NELL1: variants seen among roughly 807,000 people sequenced by gnomAD.
NELL1 encodes the protein protein kinase C-binding protein NELL1.
A neutral mutation model predicts 107.4 loss-of-function variants in NELL1; 76 were observed. That is an observed-to-expected ratio of 0.71 (90% CI 0.59 to 0.86). NELL1 has a LOEUF of 0.86. NELL1 is among the 40% of genes least tolerant of loss of function. NELL1 has a pLI of 0.00. For synonymous variants in NELL1, 353 were observed against 341.2 expected (o/e 1.03, Z -0.38); for missense variants, 1,024 against 1,005.5 (o/e 1.02, Z -0.25).
chr11:20,905,711 A>C (rs986501946), intron 5 of NELL1, among the ~76,000 whole-genome samples: 2 of 152,278 alleles, frequency 1.3e-5, no homozygotes, highest in African/African-American at 4.8e-5. Flanking sequence ...CTTAAAGATA[A>C]GATCATTGAA....
chr11:21,506,578 G>A (rs1039141710), intron 15 of NELL1, among the ~76,000 whole-genome samples: 1 of 152,158 alleles, frequency 6.6e-6, no homozygotes, highest in Non-Finnish European at 1.5e-5. Context: ...CTGAAAATGG[G>A]ACATGGGGCC....
chr11:21,147,569 C>A (rs1039494524), intron 13 of NELL1, among the ~76,000 whole-genome samples: 1 of 151,798 alleles, frequency 6.6e-6, no homozygotes, highest in African/African-American at 2.4e-5. Flanking sequence ...ATGGTGGCTC[C>A]CGCCTGTAAT....
At chr11:21,184,692 T>C (rs1856896047) in intron 13 of NELL1, among the ~76,000 whole-genome samples, 1 of 151,296 alleles carries the variant, frequency 6.6e-6, no homozygotes, top group African/African-American at 2.4e-5. Flanking sequence ...TACAAAAGCA[T>C]TTAATTTATG....
At chr11:21,403,329 G>T (rs1852143932) in intron 15 of NELL1, among the ~76,000 whole-genome samples, 1 of 151,330 alleles carries the variant, frequency 6.6e-6, no homozygotes, top group African/African-American at 2.4e-5. Context: ...AAACCTTCAG[G>T]GACTCTTAAA....
At chr11:21,300,043 A>G (rs1049141105) in intron 14 of NELL1, among the ~76,000 whole-genome samples, 5 of 151,958 alleles carry the variant, frequency 3.3e-5, no homozygotes, top group Admixed American at 6.6e-5. Flanking sequence ...ACACACAAAT[A>G]ATGAATATTA....
chr11:21,549,626 G>A (rs1856528258), intron 16 of NELL1, among the ~76,000 whole-genome samples: 1 of 151,742 alleles, frequency 6.6e-6, no homozygotes, highest in African/African-American at 2.4e-5. Context: ...TCTTATTAAT[G>A]AGTACATTGG....
intron 2 of NELL1, among the ~76,000 whole-genome samples, chr11:20,752,614 A>G (rs144233855): frequency 1.3e-5 from 2 of 152,310 alleles, no homozygotes; most frequent in East Asian, 1.9e-4. Context: ...TCTTTTTTGC[A>G]TCTGTTGAGA....
At chr11:21,043,754 T>C (rs72941930) in intron 12 of NELL1, among the ~76,000 whole-genome samples, 1 of 152,018 alleles carries the variant, frequency 6.6e-6, no homozygotes, top group Non-Finnish European at 1.5e-5. Flanking sequence ...TTGAGATATA[T>C]TTATTGAAGT....
chr11:21,278,353 T>A (rs1848917611), intron 14 of NELL1, among the ~76,000 whole-genome samples: 1 of 152,176 alleles, frequency 6.6e-6, no homozygotes, highest in Non-Finnish European at 1.5e-5. Flanking sequence ...AAACTGCATT[T>A]GCTTTTACAT....
At chr11:20,899,015 T>G (rs1226626029) in intron 5 of NELL1, among the ~76,000 whole-genome samples, 1 of 152,118 alleles carries the variant, frequency 6.6e-6, no homozygotes, top group Non-Finnish European at 1.5e-5. Context: ...AGTAGGTAAT[T>G]AGAGGGAAAA....
chr11:20,931,176 C>A (rs1351224454), intron 9 of NELL1, among the ~76,000 whole-genome samples: 1 of 151,580 alleles, frequency 6.6e-6, no homozygotes, highest in Non-Finnish European at 1.5e-5. Context: ...AGTGCACTAA[C>A]ATTAGGCATG....
chr11:21,041,302 C>T (rs1315209665), intron 12 of NELL1, among the ~76,000 whole-genome samples: 1 of 152,150 alleles, frequency 6.6e-6, no homozygotes, highest in Non-Finnish European at 1.5e-5. Flanking sequence ...TGAGTTAACA[C>T]AACATAGTTA....
At chr11:20,747,129 G>A (rs560594379) in intron 2 of NELL1, among the ~76,000 whole-genome samples, 1 of 152,302 alleles carries the variant, frequency 6.6e-6, no homozygotes, top group South Asian at 2.1e-4. Flanking sequence ...GTGATGGGTT[G>A]TGCTGACCAG....
At chr11:21,037,523 A>G (rs945401953) in intron 12 of NELL1, among the ~76,000 whole-genome samples, 11 of 152,152 alleles carry the variant, frequency 7.2e-5, no homozygotes, top group African/African-American at 2.7e-4. Context: ...TTTAGTCCAC[A>G]TGTTCCCCGA....
chr11:20,699,091 T>A (rs1854700491), intron 2 of NELL1, among the ~76,000 whole-genome samples: 1 of 151,850 alleles, frequency 6.6e-6, no homozygotes, highest in African/African-American at 2.4e-5. Context: ...GTGGCGCACA[T>A]CTGTAGCCCT....
intron 14 of NELL1, among the ~76,000 whole-genome samples, chr11:21,318,871 G>C (rs1203206371): frequency 6.6e-6 from 1 of 151,978 alleles, no homozygotes; most frequent in Non-Finnish European, 1.5e-5. Context: ...TTAAAATCCC[G>C]ACTCTAGTTC....
chr11:20,866,674 A>G (rs1004454724), intron 4 of NELL1, among the ~76,000 whole-genome samples: 3 of 152,228 alleles, frequency 2.0e-5, no homozygotes, highest in Non-Finnish European at 2.9e-5. Flanking sequence ...GGCCTTGTGC[A>G]TGAGCTTCTG....
intron 13 of NELL1, among the ~76,000 whole-genome samples, chr11:21,181,578 T>C (rs934500699): frequency 5.9e-5 from 9 of 151,906 alleles, no homozygotes; most frequent in Non-Finnish European, 1.0e-4. Context: ...TGTACTGATT[T>C]AAGGAAACAG....
At chr11:20,728,185 C>T (rs1855552028) in intron 2 of NELL1, among the ~76,000 whole-genome samples, 1 of 151,922 alleles carries the variant, frequency 6.6e-6, no homozygotes, top group Admixed American at 6.6e-5. Flanking sequence ...TGTTTAAGTT[C>T]CTAATAGATT....
Sources: gnomAD v4.1 joint callset for allele counts (sites outside exome capture counted in the v4.1 genomes callset) on GRCh38, gnomAD v4.1.1 for gene constraint, MANE v1.5 for transcripts, NCBI Gene and HGNC (gene_info 2026-07-23, HGNC 2026-07-21) for gene names.